Variants in RPH3A observed in about 807,000 individuals in gnomAD.
The protein encoded by RPH3A is rabphilin 3A.
In RPH3A, 48 loss-of-function variants were observed where a neutral mutation model predicts 102.2. The observed-to-expected ratio is 0.47, with a 90% CI of 0.37 to 0.60. The LOEUF (loss-of-function observed/expected upper bound fraction) is 0.60, where lower values mean the gene tolerates loss of function less well. RPH3A is among the 20% of genes least tolerant of loss of function. The pLI is 0.00. For synonymous variants in RPH3A, 310 were observed against 324.3 expected (o/e 0.96, Z 0.47); for missense variants, 781 against 910.1 (o/e 0.86, Z 1.83).
At chr12:112,685,718 ATGCCAGCAGCCACAGTGGCTTATCACT>A (rs1279976621) in intron 1 of RPH3A, among the ~76,000 whole-genome samples, 1 of 152,170 alleles carries the variant, frequency 6.6e-6, no homozygotes, top group African/African-American at 2.4e-5. Context: ...ACAGTTGTCT[ATGCCAGCAGCCACAGTGGCTTATCACT>A]TGCCAGCAGC....
chr12:112,847,934 C>T (rs2042258302), intron 5 of RPH3A, 92 bp downstream of exon 5: 4 of 1,428,598 alleles, frequency 2.8e-6, no homozygotes, highest in Non-Finnish European at 3.8e-6. Flanking sequence ...ACGGGGTGTG[C>T]TGGGCTGCCT....
chr12:112,604,925 G>A (rs2039584383), intron 1 of RPH3A, among the ~76,000 whole-genome samples: 1 of 152,226 alleles, frequency 6.6e-6, no homozygotes, highest in African/African-American at 2.4e-5. Flanking sequence ...CAGAGACCAA[G>A]ATGGAAACCT....
At chr12:112,870,177 T>A in intron 10 of RPH3A, 138 bp downstream of exon 10, 1 of 847,266 alleles carries the variant, frequency 1.2e-6, no homozygotes, top group Non-Finnish European at 1.7e-6. Flanking sequence ...TTCCAGATAC[T>A]GGTTTTAGTC....
intron 1 of RPH3A, among the ~76,000 whole-genome samples, chr12:112,708,428 G>C (rs1054737914): frequency 6.6e-6 from 1 of 152,180 alleles, no homozygotes; most frequent in African/African-American, 2.4e-5. Flanking sequence ...GGCTTCAGAG[G>C]TAGTGGCTGG....
chr12:112,854,958 T>G (rs2042386442), intron 5 of RPH3A, among the ~76,000 whole-genome samples: 1 of 152,262 alleles, frequency 6.6e-6, no homozygotes, highest in Non-Finnish European at 1.5e-5. Context: ...TCGTTTCATA[T>G]GTTTCTTCAT....
intron 2 of RPH3A, among the ~76,000 whole-genome samples, chr12:112,826,609 C>A (rs936341712): frequency 5.3e-5 from 8 of 152,174 alleles, no homozygotes; most frequent in Non-Finnish European, 8.8e-5. Context: ...CCAAAGTAAG[C>A]AATTTATTTG....
chr12:112,762,794 G>A (rs1397143923), intron 1 of RPH3A, among the ~76,000 whole-genome samples: 3 of 152,212 alleles, frequency 2.0e-5, no homozygotes, highest in Non-Finnish European at 4.4e-5. Context: ...AACACCAGGA[G>A]AAAGAGAACT....
rs561454006 is a variant in RPH3A, at chr12:112,736,888, C to T, written c.-139-55255C>T. On this transcript the variant is annotated intron_variant, in intron 1 of 21. Coordinates refer to the RPH3A transcript ENST00000543106. Reference sequence around the variant, plus strand: ...AAGTACTTCTGGCCGGGCACAGTGGCTCATGCCTGTAATCCCAGCACTTTG... The same window carrying T: ...AAGTACTTCTGGCCGGGCACAGTGGTTCATGCCTGTAATCCCAGCACTTTG... 9.9e-5 allele frequency among the ~76,000 whole-genome samples: 15 copies of T among 152,270 alleles called. No homozygotes were observed. In the East Asian group the frequency reaches 2.7e-3, roughly 27 times the overall value.
intron 1 of RPH3A, among the ~76,000 whole-genome samples, chr12:112,674,407 A>AC (rs2040157926): frequency 6.6e-6 from 1 of 151,928 alleles, no homozygotes; most frequent in Non-Finnish European, 1.5e-5. Flanking sequence ...TGCCACCCTC[A>AC]CCCCCAAGTC....
intron 20 of RPH3A, 89 bp downstream of exon 20, chr12:112,894,748 C>T: frequency 9.8e-7 from 1 of 1,016,782 alleles, no homozygotes; most frequent in Non-Finnish European, 1.5e-6. Context: ...AAATATGTGG[C>T]CACATAGCCA....
chr12:112,681,651 T>C (rs1434062588), intron 1 of RPH3A, among the ~76,000 whole-genome samples: 2 of 152,212 alleles, frequency 1.3e-5, no homozygotes, highest in East Asian at 1.9e-4. Flanking sequence ...TAGTGAATAA[T>C]GACTTTTTTG....
chr12:112,787,257 A>G (rs965770823), upstream of RPH3A, among the ~76,000 whole-genome samples: 1 of 152,162 alleles, frequency 6.6e-6, no homozygotes, highest in African/African-American at 2.4e-5. Context: ...CCTTTTGGGG[A>G]TGAAAATGTG....
intron 1 of RPH3A, among the ~76,000 whole-genome samples, chr12:112,734,069 G>A (rs2040652213): frequency 6.6e-6 from 1 of 152,156 alleles, no homozygotes; most frequent in African/African-American, 2.4e-5. Flanking sequence ...GAGGTCCAAA[G>A]GGGGAAGTCA....
At chr12:112,577,935 A>G (rs1323232605) in intron 1 of RPH3A, among the ~76,000 whole-genome samples, 1 of 152,178 alleles carries the variant, frequency 6.6e-6, no homozygotes, top group East Asian at 1.9e-4. Flanking sequence ...AATGATATTC[A>G]GGAAGTACTG....
At chr12:112,694,623 GACAC>G (rs1329000637) in intron 1 of RPH3A, among the ~76,000 whole-genome samples, 1 of 145,642 alleles carries the variant, frequency 6.9e-6, no homozygotes. Flanking sequence ...GAGAGACAAA[GACAC>G]ACGCACGCGC....
intron 1 of RPH3A, among the ~76,000 whole-genome samples, chr12:112,656,855 T>C (rs1417739601): frequency 6.6e-6 from 1 of 152,116 alleles, no homozygotes; most frequent in Admixed American, 6.6e-5. Flanking sequence ...TATCCATTGA[T>C]GGACACTTAG....
chr12:112,696,268 G>T (rs1240531789), intron 1 of RPH3A, among the ~76,000 whole-genome samples: 14 of 152,140 alleles, frequency 9.2e-5, no homozygotes. Context: ...CCATATCTTT[G>T]CAATTGCAAA....
intron 1 of RPH3A, among the ~76,000 whole-genome samples, chr12:112,647,680 A>T (rs1382330580): frequency 1.3e-5 from 2 of 152,052 alleles, no homozygotes; most frequent in Non-Finnish European, 2.9e-5. Context: ...ACCTTTGAGC[A>T]AAGATGTGGA....
At chr12:112,848,557 C>T (rs547444187) in intron 5 of RPH3A, among the ~76,000 whole-genome samples, 1 of 152,146 alleles carries the variant, frequency 6.6e-6, no homozygotes, top group African/African-American at 2.4e-5. Context: ...AGTAATTATC[C>T]TATAAGACTC....
Sources: allele counts gnomAD v4.1 joint callset (sites outside exome capture counted in the v4.1 genomes callset), GRCh38; gene constraint gnomAD v4.1.1; transcripts MANE v1.5; gene names NCBI Gene and HGNC (gene_info 2026-07-23, HGNC 2026-07-21).